TNKS: variants seen among roughly 807,000 people sequenced by gnomAD.
TNKS encodes the protein poly [ADP-ribose] polymerase tankyrase-1.
TNKS carries 72 observed loss-of-function variants against 135.8 expected under a neutral mutation model. The ratio of observed to expected loss-of-function variants is 0.53; its 90% CI spans 0.44 to 0.64. The LOEUF (loss-of-function observed/expected upper bound fraction) is 0.64, where lower values mean the gene tolerates loss of function less well. Among genes scored for constraint, TNKS ranks in the 30% least tolerant of loss-of-function variants. TNKS has a pLI of 0.00. For synonymous variants in TNKS, 849 were observed against 649.3 expected, an observed-to-expected ratio of 1.31 and a Z score of -4.68; for missense variants, 1,769 against 1,674.0, an observed-to-expected ratio of 1.06 and a Z score of -0.99.
At chr8:9,572,573 G>C (rs1797796695) in intron 1 of TNKS, among the ~76,000 whole-genome samples, 1 of 152,152 alleles carries the variant, frequency 6.6e-6, no homozygotes, top group African/African-American at 2.4e-5. Context: ...CACTATAGCA[G>C]ATACGTTTTC....
intron 17 of TNKS, among the ~76,000 whole-genome samples, chr8:9,739,966 TAGTG>T (rs1164120146): frequency 2.1e-5 from 2 of 96,612 alleles, no homozygotes; most frequent in African/African-American, 8.5e-5. Context: ...GATGACACAT[TAGTG>T]GGTGCAGCGC....
chr8:9,755,746 T>C (rs1489539530), intron 20 of TNKS, among the ~76,000 whole-genome samples: 1 of 152,208 alleles, frequency 6.6e-6, no homozygotes, highest in East Asian at 1.9e-4. Flanking sequence ...CTGATGCTCT[T>C]TGACATGCTT....
intron 5 of TNKS, among the ~76,000 whole-genome samples, chr8:9,689,473 A>G (rs984989706): frequency 3.3e-5 from 5 of 151,556 alleles, no homozygotes; most frequent in Admixed American, 1.3e-4. Context: ...CTAAATATAA[A>G]ATGTTTTATA....
intron 3 of TNKS, chr8:9,671,037 T>G (rs1802247956): frequency 6.6e-6 from 1 of 152,186 alleles, no homozygotes; most frequent in African/African-American, 2.4e-5. Flanking sequence ...GCCAGATGAA[T>G]TGCCCCTATA....
At chr8:9,586,879 C>T (rs933535823) in intron 2 of TNKS, among the ~76,000 whole-genome samples, 14 of 151,888 alleles carry the variant, frequency 9.2e-5, no homozygotes, top group Admixed American at 6.6e-4. Context: ...AATTGAGGGT[C>T]ACCGTGGTCT....
At chr8:9,658,489 T>G in intron 3 of TNKS, 1 of 613,430 alleles carries the variant, frequency 1.6e-6, no homozygotes. Context: ...AAACTAAGCT[T>G]CATAAGTGAA....
chr8:9,630,693 T>C (rs1323511106), intron 3 of TNKS, among the ~76,000 whole-genome samples: 2 of 152,224 alleles, frequency 1.3e-5, no homozygotes, highest in Admixed American at 1.3e-4. Flanking sequence ...GCCTTTGTTA[T>C]TGAAGAAAAA....
intron 26 of TNKS, chr8:9,772,309 C>T (rs2128842402): frequency 6.7e-6 from 3 of 448,084 alleles, no homozygotes; most frequent in Non-Finnish European, 1.3e-5. Flanking sequence ...AATGCCTTGA[C>T]CAGATAATCA....
intron 3 of TNKS, among the ~76,000 whole-genome samples, chr8:9,628,788 A>G (rs1424738464): frequency 6.6e-6 from 1 of 152,066 alleles, no homozygotes; most frequent in Non-Finnish European, 1.5e-5. Flanking sequence ...GACATTTCCA[A>G]ATGAGTTGTC....
intron 3 of TNKS, among the ~76,000 whole-genome samples, chr8:9,677,539 ACTGT>A (rs1057050764): frequency 2.1e-4 from 32 of 151,880 alleles, no homozygotes; most frequent in African/African-American, 7.5e-4. Flanking sequence ...ATGTGTTTTT[ACTGT>A]CTATCAGGGA....
chr8:9,655,868 C>A (rs1000115976), intron 3 of TNKS, among the ~76,000 whole-genome samples: 1 of 152,052 alleles, frequency 6.6e-6, no homozygotes, highest in Non-Finnish European at 1.5e-5. Flanking sequence ...AGCTCCTCAC[C>A]AGCAACAGAA....
At chr8:9,723,080 AG>A (rs11324148) in intron 12 of TNKS, among the ~76,000 whole-genome samples, 105,878 of 151,182 alleles carry the variant, frequency 0.7, 37,617 homozygotes, top group Admixed American at 0.8. Flanking sequence ...AGAACTTTTT[AG>A]TTTAATTCTT....
intron 1 of TNKS, among the ~76,000 whole-genome samples, chr8:9,562,222 T>C (rs1022969807): frequency 6.6e-6 from 1 of 152,204 alleles, no homozygotes; most frequent in African/African-American, 2.4e-5. Context: ...AAGAGTACTT[T>C]ATATATTCTG....
At chr8:9,619,325 G>A (rs1799772172) in intron 3 of TNKS, among the ~76,000 whole-genome samples, 1 of 152,210 alleles carries the variant, frequency 6.6e-6, no homozygotes, top group African/African-American at 2.4e-5. Context: ...TTAATTATGT[G>A]AAGGAGATTC....
At chr8:9,630,981 T>C (rs1210839769) in intron 3 of TNKS, among the ~76,000 whole-genome samples, 2 of 152,220 alleles carry the variant, frequency 1.3e-5, no homozygotes, top group Non-Finnish European at 2.9e-5. Context: ...TACATTTTCA[T>C]GACCTTTTCT....
At chr8:9,730,761 C>A in intron 13 of TNKS, 129 bp from the exon 14 acceptor site, 1 of 1,096,486 alleles carries the variant, frequency 9.1e-7, no homozygotes, top group Non-Finnish European at 1.3e-6. Context: ...ATTGTCTAAT[C>A]TTTGGAAATA....
intron 11 of TNKS, among the ~76,000 whole-genome samples, chr8:9,716,167 CATAAT>C (rs570825036): frequency 6.6e-6 from 1 of 152,122 alleles, no homozygotes; most frequent in Non-Finnish European, 1.5e-5. Flanking sequence ...GATATTGTGA[CATAAT>C]AATTGACATT....
At chr8:9,659,100 G>C (rs1190224701) in intron 3 of TNKS, among the ~76,000 whole-genome samples, 1 of 152,076 alleles carries the variant, frequency 6.6e-6, no homozygotes, top group Non-Finnish European at 1.5e-5. Context: ...CCTTAGTGAA[G>C]TACAAAGAGA....
At chr8:9,776,588 G>A (rs544145326) in intron 26 of TNKS, 62 bp from the exon 27 acceptor site, 4 of 1,504,292 alleles carry the variant, frequency 2.7e-6, no homozygotes, top group African/African-American at 2.8e-5. Context: ...TTCCACATTC[G>A]GCAAGGCTTT....
Sources: gnomAD v4.1 joint callset for allele counts (sites outside exome capture counted in the v4.1 genomes callset) on GRCh38, gnomAD v4.1.1 for gene constraint, MANE v1.5 for transcripts, NCBI Gene and HGNC (gene_info 2026-07-23, HGNC 2026-07-21) for gene names.